SGCZ: variants seen among roughly 807,000 people sequenced by gnomAD.
SGCZ encodes sarcoglycan zeta, also known as zeta-sarcoglycan.
In SGCZ, 40 loss-of-function variants were observed where a neutral mutation model predicts 41.3. The observed-to-expected ratio is 0.97, with a 90% CI of 0.75 to 1.26. The LOEUF is 1.26. Among genes scored for constraint, SGCZ ranks in the 50% most tolerant of loss-of-function variants. The pLI is 0.00. For missense variants in SGCZ, 552 were observed against 369.8 expected (o/e 1.49, Z -4.04); for synonymous variants, 206 against 137.5 (o/e 1.50, Z -3.49).
intron 1 of SGCZ, among the ~76,000 whole-genome samples, chr8:14,698,216 A>G (rs1252020278): frequency 6.6e-6 from 1 of 151,968 alleles, no homozygotes; most frequent in East Asian, 1.9e-4. Context: ...TAATAACCTA[A>G]TAAAATTTGC....
chr8:15,015,200 G>A (rs758615488), intron 1 of SGCZ, among the ~76,000 whole-genome samples: 7 of 151,816 alleles, frequency 4.6e-5, no homozygotes, highest in African/African-American at 7.3e-5. Context: ...CCAAGATCAC[G>A]CCACTGCACT....
At chr8:14,745,721 C>A (rs147861812) in intron 1 of SGCZ, among the ~76,000 whole-genome samples, 1 of 151,534 alleles carries the variant, frequency 6.6e-6, no homozygotes, top group African/African-American at 2.4e-5. Flanking sequence ...GAAATTTAAC[C>A]GAGCTACAAG....
chr8:14,352,314 A>G (rs1803129758), intron 2 of SGCZ, among the ~76,000 whole-genome samples: 2 of 152,208 alleles, frequency 1.3e-5, no homozygotes. Context: ...TATAAGGAGT[A>G]GAGTGTAAGG....
At chr8:14,356,522 G>C (rs1010945655) in intron 2 of SGCZ, among the ~76,000 whole-genome samples, 11 of 152,114 alleles carry the variant, frequency 7.2e-5, no homozygotes, top group African/African-American at 2.2e-4. Context: ...CAAGAATAAA[G>C]TAGAACTTGT....
At chr8:14,390,386 G>C (rs1804726734) in intron 2 of SGCZ, among the ~76,000 whole-genome samples, 3 of 151,608 alleles carry the variant, frequency 2.0e-5, no homozygotes, top group South Asian at 2.1e-4. Context: ...TAATAAATCA[G>C]TTCATAAGAA....
chr8:14,102,119 T>C (rs1228465607), intron 7 of SGCZ, among the ~76,000 whole-genome samples: 3 of 141,544 alleles, frequency 2.1e-5, no homozygotes, highest in Admixed American at 7.1e-5. Flanking sequence ...TTTTTTTTTT[T>C]AGTAGAGATG....
At chr8:14,804,606 G>A (rs1169054568) in intron 1 of SGCZ, among the ~76,000 whole-genome samples, 1 of 145,270 alleles carries the variant, frequency 6.9e-6, no homozygotes, top group Admixed American at 7.1e-5. Flanking sequence ...CGTCTGATTG[G>A]TGTACCTGAA....
intron 1 of SGCZ, among the ~76,000 whole-genome samples, chr8:15,194,287 T>G (rs1450281268): frequency 6.6e-6 from 1 of 151,030 alleles, no homozygotes; most frequent in Non-Finnish European, 1.5e-5. Flanking sequence ...TAGTAAAACA[T>G]TCTGTAAAAG....
At chr8:15,202,238 A>T (rs917831013) in intron 1 of SGCZ, among the ~76,000 whole-genome samples, 5 of 152,232 alleles carry the variant, frequency 3.3e-5, no homozygotes, top group Admixed American at 1.3e-4. Flanking sequence ...ATCTTTCTGT[A>T]GAGGCCAAAT....
intron 1 of SGCZ, among the ~76,000 whole-genome samples, chr8:15,190,397 T>C (rs1419127620): frequency 1.3e-5 from 2 of 152,040 alleles, no homozygotes; most frequent in East Asian, 1.9e-4. Context: ...TACCATGCAA[T>C]AGGCTTGACA....
At chr8:14,758,786 A>G (rs1367828525) in intron 1 of SGCZ, among the ~76,000 whole-genome samples, 1 of 152,166 alleles carries the variant, frequency 6.6e-6, no homozygotes, top group African/African-American at 2.4e-5. Context: ...AGGCGGGTGG[A>G]TCACCTGAGG....
chr8:14,468,277 G>C (rs1344133429), intron 2 of SGCZ, among the ~76,000 whole-genome samples: 1 of 151,952 alleles, frequency 6.6e-6, no homozygotes, highest in African/African-American at 2.4e-5. Context: ...TCATTCACTA[G>C]ATCCTTCAAA....
intron 1 of SGCZ, among the ~76,000 whole-genome samples, chr8:14,854,763 T>A (rs906572901): frequency 5.3e-5 from 8 of 152,086 alleles, no homozygotes; most frequent in African/African-American, 1.9e-4. Context: ...ATCATTTTAT[T>A]TTCATAGAGA....
chr8:15,135,723 ACTGGGGCTTGGC>A (rs1808077938), intron 1 of SGCZ, among the ~76,000 whole-genome samples: 2 of 151,898 alleles, frequency 1.3e-5, no homozygotes, highest in Non-Finnish European at 1.5e-5. Flanking sequence ...AAGCCCCAGA[ACTGGGGCTTGGC>A]CTGGGATGGT....
intron 1 of SGCZ, among the ~76,000 whole-genome samples, chr8:14,571,733 AT>A (rs1461465792): frequency 1.3e-5 from 2 of 152,190 alleles, no homozygotes; most frequent in African/African-American, 4.8e-5. Context: ...TGTATATTAC[AT>A]TTAACTGGTT....
chr8:14,324,790 T>A (rs12234915), intron 2 of SGCZ, among the ~76,000 whole-genome samples: 97,132 of 151,976 alleles, frequency 0.64, 31,329 homozygotes, highest in South Asian at 0.83. Context: ...AGAATAAAAT[T>A]ACTAAACAGA....
At chr8:14,189,414 T>A (rs1404506282) in intron 4 of SGCZ, among the ~76,000 whole-genome samples, 1 of 152,208 alleles carries the variant, frequency 6.6e-6, no homozygotes, top group African/African-American at 2.4e-5. Flanking sequence ...CCTCTCTGGT[T>A]CTTGCTTCTC....
At chr8:14,464,146 G>T (rs1456962936) in intron 2 of SGCZ, among the ~76,000 whole-genome samples, 1 of 151,574 alleles carries the variant, frequency 6.6e-6, no homozygotes, top group Non-Finnish European at 1.5e-5. Flanking sequence ...GATGTAGGAA[G>T]GTTTCCCTCC....
intron 1 of SGCZ, among the ~76,000 whole-genome samples, chr8:14,636,731 G>A (rs1438102833): frequency 2.0e-5 from 3 of 151,798 alleles, no homozygotes; most frequent in African/African-American, 7.2e-5. Flanking sequence ...TATATGGGAA[G>A]TAACTTAAAC....
Sources: allele counts gnomAD v4.1 joint callset (sites outside exome capture counted in the v4.1 genomes callset), GRCh38; gene constraint gnomAD v4.1.1; transcripts MANE v1.5; gene names NCBI Gene and HGNC (gene_info 2026-07-23, HGNC 2026-07-21).